Variants in FBXL20 observed in about 807,000 individuals in gnomAD.
The protein encoded by FBXL20 is F-box and leucine rich repeat protein 20.
Under a neutral mutation model 64.0 loss-of-function variants are expected in FBXL20, and 11 were observed. The ratio of observed to expected loss-of-function variants is 0.17; its 90% CI spans 0.11 to 0.28. FBXL20 has a LOEUF of 0.28. Among genes scored for constraint, FBXL20 ranks in the 10% least tolerant of loss-of-function variants. FBXL20 has a pLI of 1.00. For missense variants in FBXL20, 303 were observed against 526.2 expected (o/e 0.58, Z 4.15); for synonymous variants, 184 against 189.0 (o/e 0.97, Z 0.22).
At chr17:39,307,742 G>A (rs992487673) in intron 2 of FBXL20, among the ~76,000 whole-genome samples, 5 of 148,474 alleles carry the variant, frequency 3.4e-5, no homozygotes, top group African/African-American at 5.2e-5. Flanking sequence ...AGGCCGAGGC[G>A]GGTGGATCAC....
intron 9 of FBXL20, among the ~76,000 whole-genome samples, chr17:39,281,103 A>G (rs1486469653): frequency 6.6e-6 from 1 of 152,194 alleles, no homozygotes; most frequent in Non-Finnish European, 1.5e-5. Flanking sequence ...AATCATTTAC[A>G]TTTTAAAAGT....
intron 9 of FBXL20, among the ~76,000 whole-genome samples, chr17:39,276,746 AC>A (rs2046899759): frequency 6.6e-6 from 1 of 152,110 alleles, no homozygotes; most frequent in Admixed American, 6.5e-5. Flanking sequence ...TTGTTTTCTA[AC>A]CAACTGAGTA....
rs970185057 is a variant in FBXL20, at chr17:39,309,358, A to G, written c.105-5719T>C. 6.0e-4 allele frequency among the ~76,000 whole-genome samples: 91 copies of G among 152,156 alleles called. 2 individuals are homozygous for G. The highest frequency in any genetic ancestry group is 1.2e-3 in the Non-Finnish European group (81 of 68,028). On this transcript the variant is annotated intron_variant, in intron 2 of 14. Coordinates refer to ENST00000264658, the MANE Select transcript of FBXL20 (RefSeq NM_032875.3). ...TGGCCTCTAACAAACCTGGATATAT[A>G]TATTTAAAACCTTGTTTTCATGGAT... is the stretch of plus-strand genomic sequence containing the variant.
At chr17:39,294,343 C>T (rs889430576) in intron 6 of FBXL20, among the ~76,000 whole-genome samples, 1 of 151,722 alleles carries the variant, frequency 6.6e-6, no homozygotes, top group African/African-American at 2.4e-5. Context: ...TGAAACATAG[C>T]TCACTACAAC....
chr17:39,261,036 ATAT>A lies in FBXL20; in HGVS notation c.*421_*423del, dbSNP rs1256891681. ...TCTTTCTGGTCCCTGGGTACATCAT[ATAT>A]TGTCTTTCCATGCTTTTCTTGACCC... On this transcript the variant is annotated 3_prime_UTR_variant, in exon 15 of 15. Transcript: ENST00000264658. The A allele has an allele frequency of 5.6e-6, 1 of 177,682 alleles. No individual in the cohort carries two copies. Among genetic ancestry groups the A allele is most frequent in the Non-Finnish European group, 1.2e-5 (1 of 82,402 alleles). 11.0% of individuals were successfully genotyped at this position (177,682 alleles called of 1,614,324 possible). A position where few individuals can be genotyped will look rare whatever the true frequency, so the allele number is the denominator to read the frequency against.
Position 39,267,048 on chromosome 17 carries a change from T to C in FBXL20, c.934-1595A>G, listed in dbSNP as rs148523584. On this transcript the variant is annotated intron_variant, in intron 12 of 14. Transcript: ENST00000264658. Reference sequence around the variant, plus strand: ...CTGGTGGATCACCTGAAGTCAGGAGTTCGAGACCAGCCTGGACAACATGTT... The same window carrying C: ...CTGGTGGATCACCTGAAGTCAGGAGCTCGAGACCAGCCTGGACAACATGTT... 9.4e-3 allele frequency among the ~76,000 whole-genome samples: 1,425 copies of C among 151,712 alleles called. 18 individuals are homozygous for C. The highest frequency in any genetic ancestry group is 0.033 in the African/African-American group (1,348 of 41,342).
chr17:39,265,373 T>A (rs372512636), intron 13 of FBXL20, 24 bp downstream of exon 13: 217 of 1,587,434 alleles, frequency 1.4e-4, no homozygotes, highest in Non-Finnish European at 1.8e-4. Context: ...AGTAAACACA[T>A]AAAGTTTTCA....
chr17:39,382,528 T>C (rs959010192), intron 1 of FBXL20, among the ~76,000 whole-genome samples: 3 of 151,780 alleles, frequency 2.0e-5, no homozygotes, highest in Non-Finnish European at 4.4e-5. Context: ...ATTATAGATA[T>C]GGCTTTTCAA....
chr17:39,303,442 T>G (rs2047155518), intron 3 of FBXL20, 143 bp downstream of exon 3: 2 of 590,710 alleles, frequency 3.4e-6, no homozygotes. Flanking sequence ...TACATGGGTT[T>G]GGGTATGTCA....
At chr17:39,350,080 A>C (rs2047673274) in intron 1 of FBXL20, among the ~76,000 whole-genome samples, 2 of 152,118 alleles carry the variant, frequency 1.3e-5, no homozygotes, top group Non-Finnish European at 2.9e-5. Flanking sequence ...ATTTTAGAAA[A>C]CAAAGTATTA....
At chr17:39,372,296 G>GCCTCA (rs2047925465) in intron 1 of FBXL20, among the ~76,000 whole-genome samples, 2 of 151,914 alleles carry the variant, frequency 1.3e-5, no homozygotes, top group Admixed American at 1.3e-4. Flanking sequence ...TGAGGCAGGT[G>GCCTCA]GATCACAAGG....
intron 2 of FBXL20, among the ~76,000 whole-genome samples, chr17:39,322,149 G>A (rs1597796983): frequency 9.4e-6 from 1 of 105,960 alleles, no homozygotes. Flanking sequence ...AACATAGTGA[G>A]ACACTATCTC....
At chr17:39,381,769 G>C (rs137932663) in intron 1 of FBXL20, among the ~76,000 whole-genome samples, 2,165 of 151,016 alleles carry the variant, frequency 0.014, 54 homozygotes, top group African/African-American at 0.05. Flanking sequence ...CTCCAGCCTG[G>C]GTGACAGAGC....
At chr17:39,266,650 A>G (rs945787935) in intron 12 of FBXL20, among the ~76,000 whole-genome samples, 9 of 152,154 alleles carry the variant, frequency 5.9e-5, no homozygotes, top group Middle Eastern at 3.2e-3. Context: ...CCCAGCCCCC[A>G]TGTCTTATTC....
At chr17:39,305,724 G>C (rs768398235) in intron 2 of FBXL20, among the ~76,000 whole-genome samples, 1 of 152,032 alleles carries the variant, frequency 6.6e-6, no homozygotes, top group Non-Finnish European at 1.5e-5. Flanking sequence ...AGTGGCTCAC[G>C]ACTGTAATCC....
intron 1 of FBXL20, among the ~76,000 whole-genome samples, chr17:39,388,846 A>AATCCC (rs1475698965): frequency 6.7e-6 from 1 of 150,112 alleles, no homozygotes; most frequent in Non-Finnish European, 1.5e-5. Flanking sequence ...TCACGCCTGT[A>AATCCC]ATCCCAGCAC....
intron 9 of FBXL20, 105 bp from the exon 10 acceptor site, chr17:39,275,205 G>A (rs757604253): frequency 8.3e-7 from 1 of 1,209,772 alleles, no homozygotes; most frequent in Non-Finnish European, 1.1e-6. Flanking sequence ...AGGAAATCAA[G>A]ACATGCTTAA....
In FBXL20 at chr17:39,255,668, A is replaced by T. The variant is rs2046688656; in HGVS notation, c.*5792T>A. On this transcript the variant is annotated 3_prime_UTR_variant, in exon 15 of 15. Transcript: ENST00000264658. ...AAACCAGCCTGACCAACATGGTGAA[A>T]CCCCGTCTCTACTAAAAATACAAAT... is the stretch of plus-strand genomic sequence containing the variant. 6.6e-6 allele frequency: 1 copy of T among 150,526 alleles called. No homozygotes were observed. Among genetic ancestry groups the T allele is most frequent in the South Asian group, 2.1e-4 (1 of 4,756 alleles). The allele number at this position is 150,526 out of a possible 1,614,324, so 9.3% of individuals were successfully genotyped here.
intron 1 of FBXL20, among the ~76,000 whole-genome samples, chr17:39,344,368 G>A (rs1470591105): frequency 1.3e-5 from 2 of 151,546 alleles, no homozygotes; most frequent in African/African-American, 4.9e-5. Context: ...AAAAAAAAAG[G>A]TTTACTGCTC....
Sources: allele counts gnomAD v4.1 joint callset (sites outside exome capture counted in the v4.1 genomes callset), GRCh38; gene constraint gnomAD v4.1.1; transcripts MANE v1.5; gene names NCBI Gene and HGNC (gene_info 2026-07-23, HGNC 2026-07-21).